SPATA6: variants seen among roughly 807,000 people sequenced by gnomAD.
SPATA6 encodes the protein spermatogenesis-associated protein 6.
SPATA6 carries 56 observed loss-of-function variants against 65.3 expected under a neutral mutation model. The observed-to-expected ratio is 0.86, with a 90% CI of 0.69 to 1.07. The LOEUF (loss-of-function observed/expected upper bound fraction) is 1.07, where lower values mean the gene tolerates loss of function less well. Ranked by LOEUF, SPATA6 falls within the 50% of genes least tolerant of loss-of-function variation. SPATA6 has a pLI of 0.00. For synonymous variants in SPATA6, 199 were observed against 213.2 expected, an observed-to-expected ratio of 0.93 and a Z score of 0.58; for missense variants, 590 against 594.8, an observed-to-expected ratio of 0.99 and a Z score of 0.08.
chr1:48,418,807 A>G (rs1334380027), intron 3 of SPATA6, among the ~76,000 whole-genome samples: 8 of 117,996 alleles, frequency 6.8e-5, no homozygotes, highest in Non-Finnish European at 9.1e-5. Flanking sequence ...GAAGGAGGGA[A>G]GGAGGGAAGG....
intron 10 of SPATA6, among the ~76,000 whole-genome samples, chr1:48,356,842 C>T (rs1461483312): frequency 6.6e-6 from 1 of 152,054 alleles, no homozygotes. Context: ...ATATAAACTA[C>T]TAAACAGGAT....
At chr1:48,348,238 G>A (rs938218767) in intron 11 of SPATA6, among the ~76,000 whole-genome samples, 1 of 151,812 alleles carries the variant, frequency 6.6e-6, no homozygotes, top group South Asian at 2.1e-4. Flanking sequence ...TCACCCAAGG[G>A]GACAGAAAGC....
chr1:48,283,819 C>T, the SPATA6 span, among the ~76,000 whole-genome samples: 1 of 151,854 alleles, frequency 6.6e-6, no homozygotes, highest in African/African-American at 2.4e-5. Flanking sequence ...GATGGGCTTC[C>T]CTTTGTGGGT....
intron 11 of SPATA6, among the ~76,000 whole-genome samples, chr1:48,326,584 T>A (rs1645768789): frequency 6.7e-6 from 1 of 149,872 alleles, no homozygotes; most frequent in South Asian, 2.1e-4. Flanking sequence ...AGGACAAATC[T>A]GGAAGCATCA....
intron 11 of SPATA6, among the ~76,000 whole-genome samples, chr1:48,313,583 C>A (rs1190598532): frequency 6.6e-6 from 1 of 152,150 alleles, no homozygotes; most frequent in African/African-American, 2.4e-5. Context: ...CCAGCCACTG[C>A]AAAAACATGC....
chr1:48,470,484 A>C (rs1658155894), intron 1 of SPATA6, among the ~76,000 whole-genome samples: 1 of 152,188 alleles, frequency 6.6e-6, no homozygotes, highest in Non-Finnish European at 1.5e-5. Flanking sequence ...CTTTGGGAGG[A>C]AAACAAGCAA....
chr1:48,435,846 A>G, intron 3 of SPATA6: 1 of 1,062,986 alleles, frequency 9.4e-7, no homozygotes, highest in South Asian at 1.4e-5. Flanking sequence ...GCCTGAAGAG[A>G]GTCGCTGGCC....
intron 11 of SPATA6, among the ~76,000 whole-genome samples, chr1:48,306,314 C>T (rs1277452390): frequency 5.9e-5 from 9 of 151,860 alleles, no homozygotes; most frequent in Non-Finnish European, 1.2e-4. Context: ...ATGGCTTAGA[C>T]TTATTAATCA....
chr1:48,470,302 G>A (rs1658139614), intron 1 of SPATA6, among the ~76,000 whole-genome samples: 1 of 152,190 alleles, frequency 6.6e-6, no homozygotes, highest in African/African-American at 2.4e-5. Flanking sequence ...TCACCAGACT[G>A]CTAAACACCA....
chr1:48,437,212 T>C, intron 3 of SPATA6: 2 of 1,612,550 alleles, frequency 1.2e-6, no homozygotes, highest in Non-Finnish European at 1.7e-6. Flanking sequence ...AGACTCATAC[T>C]TGGAATTCTA....
chr1:48,447,099 T>C (rs1656125242), intron 3 of SPATA6, among the ~76,000 whole-genome samples: 1 of 152,224 alleles, frequency 6.6e-6, no homozygotes. Context: ...TGCTTTTCTC[T>C]AGCTTACTTT....
chr1:48,384,918 T>A (rs1206935222), intron 9 of SPATA6, among the ~76,000 whole-genome samples: 1 of 152,296 alleles, frequency 6.6e-6, no homozygotes, highest in East Asian at 1.9e-4. Flanking sequence ...GAGCATAAAA[T>A]ATATGCAAAT....
At chr1:48,353,961 G>T (rs914408128) in intron 11 of SPATA6, among the ~76,000 whole-genome samples, 2 of 151,206 alleles carry the variant, frequency 1.3e-5, no homozygotes, top group Non-Finnish European at 3.0e-5. Context: ...GCACAGAGTG[G>T]AAAAAAAATT....
the SPATA6 span, among the ~76,000 whole-genome samples, chr1:48,277,095 T>A: frequency 6.7e-6 from 1 of 150,098 alleles, no homozygotes; most frequent in Non-Finnish European, 1.5e-5. Context: ...TTCTTTGTTT[T>A]TTGCTTTTTT....
In SPATA6 at chr1:48,461,497, T is replaced by C. The variant is rs1425181118; in HGVS notation, c.52-8366A>G. On this transcript the variant is annotated intron_variant, in intron 1 of 12. Coordinates refer to ENST00000371847, the MANE Select transcript of SPATA6 (RefSeq NM_019073.4). ...GTCTAACATTTAAGTCTTTAATCCA[T>C]CTTGAATTAATTTTTGTATAAGCTG... Among the ~76,000 whole-genome samples, 4 of 152,160 alleles carry C rather than the reference T, an allele frequency of 2.6e-5. No homozygotes were observed. The South Asian group carries it at 8.3e-4, about 31-fold the overall frequency.
the SPATA6 span, among the ~76,000 whole-genome samples, chr1:48,266,915 C>T: frequency 5.3e-5 from 8 of 151,904 alleles, no homozygotes; most frequent in Admixed American, 2.0e-4. Flanking sequence ...TTTTTCTATC[C>T]GTTAGGAATA....
chr1:48,384,634 T>C (rs1649262378), intron 9 of SPATA6, among the ~76,000 whole-genome samples: 4 of 152,072 alleles, frequency 2.6e-5, no homozygotes, highest in Admixed American at 2.6e-4. Context: ...TAATTCTGAA[T>C]CACCAGAAAA....
At chr1:48,363,635 G>C (rs1646890713) in intron 9 of SPATA6, among the ~76,000 whole-genome samples, 1 of 151,574 alleles carries the variant, frequency 6.6e-6, no homozygotes, top group South Asian at 2.1e-4. Context: ...TTTTTTTAAT[G>C]ACTTTCTATG....
intron 3 of SPATA6, among the ~76,000 whole-genome samples, chr1:48,428,441 G>A (rs1036186032): frequency 5.3e-5 from 8 of 152,182 alleles, no homozygotes; most frequent in South Asian, 2.1e-4. Context: ...CAACAAGAGC[G>A]AAACTCCGTC....
Sources: gnomAD v4.1 joint callset for allele counts (sites outside exome capture counted in the v4.1 genomes callset) on GRCh38, gnomAD v4.1.1 for gene constraint, MANE v1.5 for transcripts, NCBI Gene and HGNC (gene_info 2026-07-23, HGNC 2026-07-21) for gene names.